The following ELP4 variants were observed in gnomAD, a reference collection of about 807,000 sequenced individuals.
ELP4 encodes elongator complex protein 4.
A neutral mutation model predicts 48.9 loss-of-function variants in ELP4; 51 were observed. That is an observed-to-expected ratio of 1.04 (90% confidence interval 0.83 to 1.32). The LOEUF (loss-of-function observed/expected upper bound fraction) is 1.32, where lower values mean the gene tolerates loss of function less well. Ranked by LOEUF, ELP4 falls within the 40% of genes most tolerant of loss-of-function variation. The pLI is 0.00. For missense variants in ELP4, 519 were observed against 514.6 expected, an observed-to-expected ratio of 1.01 and a Z score of -0.08; for synonymous variants, 210 against 189.2, an observed-to-expected ratio of 1.11 and a Z score of -0.90.
intron 9 of ELP4, among the ~76,000 whole-genome samples, chr11:31,731,567 G>GGTGTGTGTGTGT (rs148076836): frequency 0.045 from 6,428 of 142,762 alleles, 233 homozygotes; most frequent in South Asian, 0.1. Context: ...CCATTAAGCA[G>GGTGTGTGTGTGT]GTGTGTGTGT....
chr11:31,577,833 A>G (rs917981446), intron 3 of ELP4, among the ~76,000 whole-genome samples: 2 of 152,214 alleles, frequency 1.3e-5, no homozygotes, highest in Non-Finnish European at 2.9e-5. Context: ...CCCACAGCCA[A>G]CATCATACTG....
At chr11:31,699,030 A>G (rs1946468266) in intron 9 of ELP4, among the ~76,000 whole-genome samples, 1 of 152,172 alleles carries the variant, frequency 6.6e-6, no homozygotes, top group African/African-American at 2.4e-5. Context: ...AACAATATAC[A>G]TGTAGAAATA....
chr11:31,766,244 C>T (rs766437950), intron 9 of ELP4, among the ~76,000 whole-genome samples: 1 of 151,924 alleles, frequency 6.6e-6, no homozygotes. Context: ...AAAAAGAAAA[C>T]AATAACCACG....
chr11:31,571,015 G>A (rs1472550688), intron 3 of ELP4, among the ~76,000 whole-genome samples: 1 of 151,656 alleles, frequency 6.6e-6, no homozygotes, highest in Non-Finnish European at 1.5e-5. Context: ...GGCCAGGCTG[G>A]TCTCAAACTC....
intron 9 of ELP4, among the ~76,000 whole-genome samples, chr11:31,767,056 G>T (rs1948056172): frequency 6.6e-6 from 1 of 152,040 alleles, no homozygotes; most frequent in African/African-American, 2.4e-5. Flanking sequence ...CTTATATGTG[G>T]TTTTAATACT....
At chr11:31,671,184 A>C (rs1945798389) in intron 9 of ELP4, among the ~76,000 whole-genome samples, 1 of 152,230 alleles carries the variant, frequency 6.6e-6, no homozygotes, top group African/African-American at 2.4e-5. Flanking sequence ...AAAATAAATC[A>C]TAAAATGGTT....
At position 31,789,691 on chromosome 11, in the gene ELP4, T is replaced by C. The variant is rs980237683; in HGVS notation, c.*6167T>C. The C allele has an allele frequency of 1.4e-6, 1 of 702,612 alleles. No homozygotes were observed. The highest frequency in any genetic ancestry group is 1.5e-5 in the South Asian group (1 of 67,428). The allele number at this position is 702,612 out of a possible 1,614,324, so 43.5% of individuals were successfully genotyped here. On this transcript the variant is annotated 3_prime_UTR_variant, in exon 10 of 10. Transcript: ENST00000640961. The stretch of plus-strand genomic sequence containing the variant: ...CCCATTTACAAATAATACACCAAAA[T>C]GAATAAAAGTTTGGATACCAAAATG...
rs1293056930 is a variant in ELP4 at position 31,749,352 on chromosome 11, G to T, written c.1144-34041G>T. ...AGACACGTAAAAGTCCCTTTCAACA[G>T]GTAACAAAATTTGGACACAGATTAG... On this transcript the variant is annotated intron_variant, in intron 9 of 9. Transcript: ENST00000640961. Among the ~76,000 whole-genome samples, 4 of 152,144 alleles carry T rather than the reference G, an allele frequency of 2.6e-5. No homozygotes were observed. In the East Asian group the frequency reaches 5.8e-4, roughly 22 times the overall value.
At chr11:31,682,166 TAAGA>T in intron 9 of ELP4, 1 of 1,031,362 alleles carries the variant, frequency 9.7e-7, no homozygotes, top group Non-Finnish European at 1.2e-6. Flanking sequence ...TTGACAAATC[TAAGA>T]GAGATTTAAG....
intron 9 of ELP4, among the ~76,000 whole-genome samples, chr11:31,775,499 G>T (rs1330847775): frequency 1.3e-5 from 2 of 152,162 alleles, no homozygotes; most frequent in African/African-American, 4.8e-5. Flanking sequence ...TAGTCATTTG[G>T]ACAGGGAATT....
intron 9 of ELP4, among the ~76,000 whole-genome samples, chr11:31,657,131 A>G (rs1250776030): frequency 6.6e-6 from 1 of 152,074 alleles, no homozygotes; most frequent in Non-Finnish European, 1.5e-5. Context: ...TAAATATGGT[A>G]TCCTTAAGCT....
chr11:31,654,271 A>G (rs1945382628), intron 9 of ELP4: 1 of 151,720 alleles, frequency 6.6e-6, no homozygotes, highest in African/African-American at 2.4e-5. Context: ...AATATACTGT[A>G]AAGACTTACA....
chr11:31,669,695 GTATTAAACA>G (rs1213053314), intron 9 of ELP4, among the ~76,000 whole-genome samples: 1 of 152,038 alleles, frequency 6.6e-6, no homozygotes, highest in African/African-American at 2.4e-5. Context: ...CAATAGATAC[GTATTAAACA>G]TATGTGGAAT....
intron 9 of ELP4, among the ~76,000 whole-genome samples, chr11:31,656,143 A>G (rs1054280020): frequency 6.6e-6 from 1 of 151,996 alleles, no homozygotes; most frequent in Non-Finnish European, 1.5e-5. Context: ...CCCTTCCAAG[A>G]TGTGGTTGCA....
chr11:31,587,161 C>T (rs909546620), intron 3 of ELP4, among the ~76,000 whole-genome samples: 1 of 152,118 alleles, frequency 6.6e-6, no homozygotes, highest in Non-Finnish European at 1.5e-5. Context: ...TTACTCTGTT[C>T]ACTGCTCTAT....
intron 9 of ELP4, among the ~76,000 whole-genome samples, chr11:31,674,180 AGAC>A (rs1488813197): frequency 6.6e-6 from 1 of 152,256 alleles, no homozygotes; most frequent in East Asian, 1.9e-4. Context: ...AGTGAACAAT[AGAC>A]AAAATCTGTG....
intron 9 of ELP4, among the ~76,000 whole-genome samples, chr11:31,744,776 C>A (rs1212123850): frequency 2.0e-5 from 3 of 151,908 alleles, no homozygotes; most frequent in African/African-American, 4.8e-5. Context: ...AACCCACAGC[C>A]AATATCATAC....
At chr11:31,680,290 T>C (rs1482334244) in intron 9 of ELP4, among the ~76,000 whole-genome samples, 1 of 152,190 alleles carries the variant, frequency 6.6e-6, no homozygotes, top group Non-Finnish European at 1.5e-5. Flanking sequence ...TAAGCACTTA[T>C]TGGTTCTTTA....
intron 2 of ELP4, among the ~76,000 whole-genome samples, chr11:31,526,810 A>G (rs1203778874): frequency 2.0e-5 from 3 of 151,890 alleles, no homozygotes; most frequent in East Asian, 3.9e-4. Context: ...CTTCCACTAT[A>G]TTAGTTATTT....
Sources: allele counts gnomAD v4.1 joint callset (sites outside exome capture counted in the v4.1 genomes callset), GRCh38; gene constraint gnomAD v4.1.1; transcripts MANE v1.5; gene names NCBI Gene and HGNC (gene_info 2026-07-23, HGNC 2026-07-21).